OR9Q1: variants seen among roughly 807,000 people sequenced by gnomAD.
OR9Q1 encodes the protein olfactory receptor family 9 subfamily Q member 1, also known as olfactory receptor 9Q1.
For synonymous variants in OR9Q1, 153 were observed against 148.6 expected, an observed-to-expected ratio of 1.03 and a Z score of -0.22; for missense variants, 374 against 378.8, an observed-to-expected ratio of 0.99 and a Z score of 0.11.
chr11:58,118,998 A>AT (rs1377145935), intron 2 of OR9Q1: 14 of 1,613,810 alleles, frequency 8.7e-6, no homozygotes, highest in Non-Finnish European at 1.2e-5. Context: ...CCCCACAGAC[A>AT]TAGGCTCCTA....
intron 1 of OR9Q1, among the ~76,000 whole-genome samples, chr11:58,030,234 C>T (rs1470662194): frequency 6.6e-6 from 1 of 152,146 alleles, no homozygotes; most frequent in Non-Finnish European, 1.5e-5. Flanking sequence ...TAAAGTCTCC[C>T]TGTGACCTTT....
At chr11:58,092,605 AT>A (rs1201065891) in intron 2 of OR9Q1, among the ~76,000 whole-genome samples, 1 of 152,160 alleles carries the variant, frequency 6.6e-6, no homozygotes, top group East Asian at 1.9e-4. Flanking sequence ...AGCCACAATT[AT>A]GCATTTTCAG....
intron 2 of OR9Q1, among the ~76,000 whole-genome samples, chr11:58,056,585 T>C (rs558536939): frequency 1.5e-4 from 23 of 152,328 alleles, no homozygotes; most frequent in Admixed American, 5.2e-4. Context: ...CACAGTCAGA[T>C]TGATTTGTTT....
intron 2 of OR9Q1, among the ~76,000 whole-genome samples, chr11:58,086,222 A>G (rs1202551786): frequency 6.6e-6 from 1 of 152,026 alleles, no homozygotes; most frequent in Non-Finnish European, 1.5e-5. Context: ...TACATTTCTC[A>G]AAAGAAGACA....
chr11:58,065,988 C>G (rs1019809075), intron 2 of OR9Q1, among the ~76,000 whole-genome samples: 1 of 152,156 alleles, frequency 6.6e-6, no homozygotes, highest in East Asian at 1.9e-4. Flanking sequence ...AGGGAACTCA[C>G]GGAGAGGGGC....
chr11:58,055,045 G>A (rs1853314075), intron 1 of OR9Q1, among the ~76,000 whole-genome samples: 1 of 152,176 alleles, frequency 6.6e-6, no homozygotes, highest in South Asian at 2.1e-4. Context: ...AAATGACTTG[G>A]TTGGGAGGAA....
At chr11:58,178,913 ATATATT>A (rs1854630501) in intron 2 of OR9Q1, among the ~76,000 whole-genome samples, 1 of 144,190 alleles carries the variant, frequency 6.9e-6, no homozygotes, top group Admixed American at 7.2e-5. Context: ...TATATATATT[ATATATT>A]TATATATTAT....
intron 2 of OR9Q1, among the ~76,000 whole-genome samples, chr11:58,142,249 AG>A (rs1372325514): frequency 1.3e-5 from 2 of 152,118 alleles, no homozygotes; most frequent in African/African-American, 4.8e-5. Flanking sequence ...TATATATGCC[AG>A]GCTCCACGAG....
chr11:58,042,098 T>C (rs1448458796), intron 1 of OR9Q1, among the ~76,000 whole-genome samples: 1 of 152,222 alleles, frequency 6.6e-6, no homozygotes, highest in Non-Finnish European at 1.5e-5. Context: ...CAGATTCTCT[T>C]TTTAAACCGT....
At chr11:58,174,193 T>C (rs984878584) in intron 2 of OR9Q1, among the ~76,000 whole-genome samples, 2 of 152,186 alleles carry the variant, frequency 1.3e-5, no homozygotes, top group East Asian at 1.9e-4. Context: ...GTAGACCCGA[T>C]GCAAGCAAAG....
chr11:58,069,758 C>G (rs1421669045), intron 2 of OR9Q1, among the ~76,000 whole-genome samples: 2 of 151,618 alleles, frequency 1.3e-5, no homozygotes, highest in African/African-American at 2.4e-5. Flanking sequence ...GTAGTCCTAG[C>G]TACGGGGGAA....
intron 1 of OR9Q1, chr11:58,031,981 C>G: frequency 1.2e-6 from 1 of 812,736 alleles, no homozygotes; most frequent in Non-Finnish European, 2.0e-6. Flanking sequence ...TAAGCTGAGA[C>G]CAAATCAAGA....
chr11:58,082,224 A>G (rs538906206), intron 2 of OR9Q1, among the ~76,000 whole-genome samples: 1 of 152,306 alleles, frequency 6.6e-6, no homozygotes, highest in East Asian at 1.9e-4. Flanking sequence ...GGGATCTAGA[A>G]CTAGAAATAG....
At chr11:58,171,234 G>T (rs565615131) in intron 2 of OR9Q1, 3 of 152,322 alleles carry the variant, frequency 2.0e-5, no homozygotes, top group South Asian at 2.1e-4. Context: ...ACTGCATATT[G>T]TAGAGGGTTT....
intron 2 of OR9Q1, among the ~76,000 whole-genome samples, chr11:58,080,460 A>T (rs1365310160): frequency 6.6e-6 from 1 of 152,118 alleles, no homozygotes; most frequent in Non-Finnish European, 1.5e-5. Flanking sequence ...TTAGGAGTGT[A>T]TGTGTCTTTT....
At chr11:58,032,964 T>A (rs1173186345) in intron 1 of OR9Q1, among the ~76,000 whole-genome samples, 1 of 152,170 alleles carries the variant, frequency 6.6e-6, no homozygotes, top group Non-Finnish European at 1.5e-5. Context: ...CAGACACTTA[T>A]CAAAAGAAGA....
In OR9Q1 at chr11:58,179,595, A is replaced by C; in HGVS notation, c.151A>C (p.Met51Leu). ...GNLEMIILIL[M>L]DHQLHAPMYF... is the part of the protein sequence containing the mutation. ...CTTAGAGATGATTATTCTGATCCTC[A>C]TGGATCACCAGCTCCACGCTCCAAT... The change falls in exon 3 of 3, where the codon ATG becomes CTG. Residue 51 changes from methionine to leucine, a missense_variant. Transcript: ENST00000335397. The C allele has an allele frequency of 6.2e-7, 1 of 1,613,520 alleles. No individual in the cohort carries two copies. The highest frequency in any genetic ancestry group is 8.5e-7 in the Non-Finnish European group (1 of 1,179,564).
intron 2 of OR9Q1, among the ~76,000 whole-genome samples, chr11:58,138,141 A>G (rs1434932884): frequency 1.3e-5 from 2 of 151,934 alleles, no homozygotes; most frequent in East Asian, 1.9e-4. Context: ...CCATCCCCCA[A>G]TCATGTCACT....
intron 1 of OR9Q1, chr11:58,031,885 C>T (rs1853045168): frequency 6.2e-7 from 1 of 1,611,976 alleles, no homozygotes; most frequent in East Asian, 2.2e-5. Flanking sequence ...TCTTTTCTCT[C>T]AACTTTTGGA....
Sources: gnomAD v4.1 joint callset for allele counts (sites outside exome capture counted in the v4.1 genomes callset) on GRCh38, gnomAD v4.1.1 for gene constraint, MANE v1.5 for transcripts, NCBI Gene and HGNC (gene_info 2026-07-23, HGNC 2026-07-21) for gene names.